Variants in AUH observed in about 807,000 individuals in gnomAD.
The protein encoded by AUH is methylglutaconyl-CoA hydratase, mitochondrial.
AUH carries 29 observed loss-of-function variants against 42.3 expected under a neutral mutation model. That is an observed-to-expected ratio of 0.69 (90% CI 0.51 to 0.93). The LOEUF (loss-of-function observed/expected upper bound fraction) is 0.93, where lower values mean the gene tolerates loss of function less well. AUH is among the 40% of genes least tolerant of loss of function. The pLI is 0.00. For missense variants in AUH, 452 were observed against 438.1 expected (o/e 1.03, Z -0.28); for synonymous variants, 174 against 166.4 (o/e 1.05, Z -0.35).
chr9:91,239,853 C>T lies in AUH; in HGVS notation c.656-18861G>A, dbSNP rs551521523. Among the ~76,000 whole-genome samples the T allele has an allele frequency of 2.0e-5, 3 of 152,244 alleles. No individual in the cohort carries two copies. In the South Asian group the frequency reaches 6.2e-4, roughly 32 times the overall value. On this transcript the variant is annotated intron_variant, in intron 6 of 9. Coordinates refer to ENST00000375731, the MANE Select transcript of AUH (RefSeq NM_001698.3). ...CCTGCCTGAAGCATATTAGTTTGAG[C>T]TCTTTGTGGATTATGGTAGAGAAGC...
chr9:91,307,419 T>C (rs1756873315), intron 4 of AUH, among the ~76,000 whole-genome samples: 1 of 152,188 alleles, frequency 6.6e-6, no homozygotes, highest in Non-Finnish European at 1.5e-5. Context: ...TATAGTAGTC[T>C]CCCCTTACGT....
At position 91,220,640 on chromosome 9, in the gene AUH, T is replaced by C. The variant is rs117808700; in HGVS notation, c.843+165A>G. On this transcript the variant is annotated intron_variant, in intron 7 of 9. Coordinates refer to ENST00000375731, the MANE Select transcript of AUH (RefSeq NM_001698.3). ...GCGTCATCAGAATTCCACAGGATCA[T>C]AGTGTTTATCTTGTGTAACTGCTCT... Among the ~76,000 whole-genome samples, 115 of 152,352 alleles carry C rather than the reference T, an allele frequency of 7.5e-4. 1 individual carries two copies. In the East Asian group the frequency reaches 0.019, roughly 25 times the overall value.
chr9:91,354,689 T>TAG (rs1239360394), intron 3 of AUH, among the ~76,000 whole-genome samples: 3 of 152,202 alleles, frequency 2.0e-5, no homozygotes, highest in African/African-American at 7.2e-5. Context: ...TTTAAAATGT[T>TAG]AATCTGTCTT....
intron 3 of AUH, among the ~76,000 whole-genome samples, chr9:91,341,053 G>A (rs2131976245): frequency 6.6e-6 from 1 of 152,316 alleles, no homozygotes; most frequent in East Asian, 1.9e-4. Flanking sequence ...GAAGCAGACT[G>A]ACAAAAATCT....
intron 3 of AUH, among the ~76,000 whole-genome samples, chr9:91,333,654 A>C (rs1830493860): frequency 6.6e-6 from 1 of 152,210 alleles, no homozygotes; most frequent in African/African-American, 2.4e-5. Context: ...ACTCATGCTG[A>C]GAAAACCTTT....
At chr9:91,236,226 C>T (rs1041534987) in intron 6 of AUH, among the ~76,000 whole-genome samples, 2 of 151,222 alleles carry the variant, frequency 1.3e-5, no homozygotes, top group African/African-American at 4.9e-5. Flanking sequence ...TTTTTCCATC[C>T]CTAGCAATTT....
intron 3 of AUH, among the ~76,000 whole-genome samples, chr9:91,349,633 GTGTGTGTA>G (rs1564127487): frequency 6.6e-6 from 1 of 151,834 alleles, no homozygotes; most frequent in Admixed American, 6.6e-5. Context: ...TGACTTGTGT[GTGTGTGTA>G]TGTGTGTGTG....
intron 6 of AUH, among the ~76,000 whole-genome samples, chr9:91,266,927 G>A (rs1014505254): frequency 6.6e-6 from 1 of 152,206 alleles, no homozygotes; most frequent in Non-Finnish European, 1.5e-5. Flanking sequence ...GTATGCCCAT[G>A]TGACAGACTG....
At chr9:91,247,010 G>A (rs1256939554) in intron 6 of AUH, among the ~76,000 whole-genome samples, 4 of 152,184 alleles carry the variant, frequency 2.6e-5, no homozygotes, top group Non-Finnish European at 4.4e-5. Context: ...ACAGTCAGCT[G>A]AGTCTTCTGT....
intron 6 of AUH, among the ~76,000 whole-genome samples, chr9:91,223,193 T>C (rs1827233109): frequency 1.3e-5 from 2 of 152,150 alleles, no homozygotes; most frequent in African/African-American, 2.4e-5. Flanking sequence ...TTGAAAACAA[T>C]GCATCACAGG....
chr9:91,226,013 G>A (rs1232039923), intron 6 of AUH, among the ~76,000 whole-genome samples: 44 of 146,950 alleles, frequency 3.0e-4, no homozygotes, highest in South Asian at 4.5e-4. Flanking sequence ...ATAAACATAC[G>A]TGTGCATGTG....
At chr9:91,280,700 T>C (rs958980409) in intron 6 of AUH, among the ~76,000 whole-genome samples, 2 of 152,202 alleles carry the variant, frequency 1.3e-5, no homozygotes, top group Non-Finnish European at 2.9e-5. Flanking sequence ...GAGCAGTAAT[T>C]TACGCATTCA....
chr9:91,280,166 C>T (rs1233817847), intron 6 of AUH, among the ~76,000 whole-genome samples: 3 of 152,122 alleles, frequency 2.0e-5, no homozygotes, highest in African/African-American at 4.8e-5. Flanking sequence ...AATGAACTGC[C>T]GCTCTTCTTA....
chr9:91,245,788 G>A (rs1828759627), intron 6 of AUH, among the ~76,000 whole-genome samples: 1 of 152,208 alleles, frequency 6.6e-6, no homozygotes, highest in Non-Finnish European at 1.5e-5. Flanking sequence ...GAGCCAGGAT[G>A]CAAGCCTGGG....
intron 4 of AUH, among the ~76,000 whole-genome samples, chr9:91,311,488 T>G (rs1828698146): frequency 6.6e-6 from 1 of 152,266 alleles, no homozygotes; most frequent in Non-Finnish European, 1.5e-5. Context: ...AAAATTCTAA[T>G]GAAAACCTAT....
intron 6 of AUH, among the ~76,000 whole-genome samples, chr9:91,231,465 AGT>A (rs1827878552): frequency 6.6e-6 from 1 of 152,162 alleles, no homozygotes; most frequent in Admixed American, 6.5e-5. Flanking sequence ...GGCACTCCCT[AGT>A]GAGATGAACC....
chr9:91,288,615 A>C (rs1286534747), intron 6 of AUH, among the ~76,000 whole-genome samples: 1 of 152,172 alleles, frequency 6.6e-6, no homozygotes, highest in African/African-American at 2.4e-5. Context: ...ATATATTACA[A>C]ATAAAAGCAT....
At chr9:91,258,975 C>T (rs1829557338) in intron 6 of AUH, among the ~76,000 whole-genome samples, 1 of 152,080 alleles carries the variant, frequency 6.6e-6, no homozygotes, top group African/African-American at 2.4e-5. Flanking sequence ...GGATGCTTGT[C>T]TGTATATATC....
At chr9:91,223,151 A>G (rs1290327280) in intron 6 of AUH, among the ~76,000 whole-genome samples, 2 of 152,194 alleles carry the variant, frequency 1.3e-5, no homozygotes, top group East Asian at 1.9e-4. Flanking sequence ...GGCTAGAGGT[A>G]TGGTGCAGAA....
Sources: gnomAD v4.1 joint callset for allele counts (sites outside exome capture counted in the v4.1 genomes callset) on GRCh38, gnomAD v4.1.1 for gene constraint, MANE v1.5 for transcripts, NCBI Gene and HGNC (gene_info 2026-07-23, HGNC 2026-07-21) for gene names.